ARNT2: variants seen among roughly 807,000 people sequenced by gnomAD.
ARNT2 encodes ARNT protein 2.
ARNT2 carries 36 observed loss-of-function variants against 91.7 expected under a neutral mutation model. That is an observed-to-expected ratio of 0.39 (90% CI 0.30 to 0.52). The LOEUF is 0.52. ARNT2 is among the 20% of genes least tolerant of loss of function. The pLI, the probability that ARNT2 is intolerant of heterozygous loss-of-function variation, is 0.72. For synonymous variants in ARNT2, 365 were observed against 347.1 expected, an observed-to-expected ratio of 1.05 and a Z score of -0.57; for missense variants, 775 against 939.3, an observed-to-expected ratio of 0.83 and a Z score of 2.29.
At chr15:80,510,551 C>T (rs1897326591) in intron 6 of ARNT2, among the ~76,000 whole-genome samples, 1 of 152,092 alleles carries the variant, frequency 6.6e-6, no homozygotes, top group Non-Finnish European at 1.5e-5. Context: ...TCAAAAAGGG[C>T]CGGGTGAGGT....
At chr15:80,448,769 G>C (rs1328086972) in intron 1 of ARNT2, among the ~76,000 whole-genome samples, 1 of 152,158 alleles carries the variant, frequency 6.6e-6, no homozygotes, top group South Asian at 2.1e-4. Context: ...AGATCATGAG[G>C]TCAGGAGATG....
intron 14 of ARNT2, among the ~76,000 whole-genome samples, chr15:80,576,249 G>A (rs1043210247): frequency 6.6e-6 from 1 of 151,880 alleles, no homozygotes; most frequent in South Asian, 2.1e-4. Context: ...GGAAAGATTG[G>A]ATAAAATAAT....
At position 80,475,268 on chromosome 15, in the gene ARNT2, T is replaced by C. The variant is rs185799448; in HGVS notation, c.622+45T>C. The C allele has an allele frequency of 4.4e-6, 7 of 1,602,572 alleles. No homozygotes were observed. In the African/African-American group the frequency reaches 9.4e-5, roughly 21 times the overall value. ...TGAGGCTGTTTGACTCTAGAAAACA[T>C]TCTTGGCTGGGCATGGTGGCTCACG... On this transcript the variant is annotated intron_variant, in intron 5 of 18. Transcript: ENST00000303329.
intron 10 of ARNT2, chr15:80,554,826 C>A: frequency 2.3e-6 from 1 of 443,980 alleles, no homozygotes; most frequent in Non-Finnish European, 4.1e-6. Context: ...GATGTAGTGC[C>A]TTAGCAAAAT....
intron 11 of ARNT2, among the ~76,000 whole-genome samples, chr15:80,560,791 G>C (rs979452822): frequency 1.3e-5 from 2 of 152,230 alleles, no homozygotes; most frequent in East Asian, 1.9e-4. Flanking sequence ...CCAGGTTGCT[G>C]TTGGGGCCGC....
rs145447934 is a variant in ARNT2 at position 80,445,747 on chromosome 15, G to A, written c.32-5133G>A. 4.9e-3 allele frequency among the ~76,000 whole-genome samples: 746 copies of A among 152,106 alleles called. 3 individuals carry two copies. Among genetic ancestry groups the A allele is most frequent in the African/African-American group, 0.018 (726 of 41,446 alleles). On this transcript the variant is annotated intron_variant, in intron 1 of 18. Transcript: ENST00000303329. ...GCAGAGACAGGACTCTGGGTAGAGGGACCACTGGAGGTCGGAACAGATGGA... is the reference window on the plus strand; with the variant it reads ...GCAGAGACAGGACTCTGGGTAGAGGAACCACTGGAGGTCGGAACAGATGGA...
At chr15:80,413,596 A>G (rs1405252647) in intron 1 of ARNT2, among the ~76,000 whole-genome samples, 1 of 152,226 alleles carries the variant, frequency 6.6e-6, no homozygotes, top group Non-Finnish European at 1.5e-5. Context: ...ACTCTAAAAA[A>G]GTGGAGAGCA....
In ARNT2 at chr15:80,471,871, C is replaced by T. The variant is rs139314598; in HGVS notation, c.408+1440C>T. ...TCTTTGACTAGTTGGCAAGAAGAAA[C>T]GCACAAAATGGCTAGTGAGGTCGTA... is the stretch of plus-strand genomic sequence containing the variant. On this transcript the variant is annotated intron_variant, in intron 4 of 18. Transcript: ENST00000303329. Among the ~76,000 whole-genome samples, 165 of 152,158 alleles carry T rather than the reference C, an allele frequency of 1.1e-3. 1 individual carries two copies. The highest frequency in any genetic ancestry group is 3.4e-3 in the Middle Eastern group (1 of 294).
chr15:80,449,962 C>T (rs1157380251), intron 1 of ARNT2, among the ~76,000 whole-genome samples: 6 of 152,326 alleles, frequency 3.9e-5, no homozygotes, highest in Admixed American at 1.3e-4. Flanking sequence ...CTGTGGAAGT[C>T]GTTCCCAACC....
intron 5 of ARNT2, among the ~76,000 whole-genome samples, chr15:80,481,541 T>C (rs76460791): frequency 0.07 from 10,625 of 152,130 alleles, 891 homozygotes; most frequent in African/African-American, 0.19. Context: ...AAGACCTTAC[T>C]TCTACAAAAA....
intron 17 of ARNT2, among the ~76,000 whole-genome samples, chr15:80,589,461 A>G (rs1480338384): frequency 6.6e-6 from 1 of 152,210 alleles, no homozygotes; most frequent in Admixed American, 6.5e-5. Context: ...CAAGGAAACC[A>G]TCATTGCAGC....
chr15:80,496,054 G>A (rs947886188), intron 5 of ARNT2, among the ~76,000 whole-genome samples: 3 of 152,146 alleles, frequency 2.0e-5, no homozygotes, highest in African/African-American at 7.2e-5. Context: ...CCCCTACTCT[G>A]TGAGCCACTT....
Position 80,550,996 on chromosome 15 carries a change from T to C in ARNT2, c.878-203T>C, listed in dbSNP as rs1596008797. The C allele has an allele frequency of 7.3e-6, 4 of 548,964 alleles. No homozygotes were observed. In the East Asian group the frequency reaches 1.2e-4, roughly 17 times the overall value. 34.0% of individuals were successfully genotyped at this position (548,964 alleles called of 1,614,324 possible). A position where few individuals can be genotyped will look rare whatever the true frequency, so the allele number is the denominator to read the frequency against. On this transcript the variant is annotated intron_variant, in intron 8 of 18. Coordinates refer to ENST00000303329, the MANE Select transcript of ARNT2 (RefSeq NM_014862.4). ...CATCATCCACAGATGGAGATGATAA[T>C]GTACCATAAAATTATCAAAAGACAT... is the stretch of plus-strand genomic sequence containing the variant.
chr15:80,432,281 G>T (rs561074624), intron 1 of ARNT2, among the ~76,000 whole-genome samples: 3 of 152,134 alleles, frequency 2.0e-5, no homozygotes, highest in Admixed American at 1.3e-4. Flanking sequence ...AAGATTTCTC[G>T]CCTCTTCTTG....
At chr15:80,574,252 A>G in intron 13 of ARNT2, 32 bp downstream of exon 13, 1 of 1,601,010 alleles carries the variant, frequency 6.2e-7, no homozygotes, top group Non-Finnish European at 8.6e-7. Context: ...TCCCTGTTGG[A>G]ATTGTCTCCA....
intron 17 of ARNT2, among the ~76,000 whole-genome samples, chr15:80,585,640 C>G (rs1898882248): frequency 6.6e-6 from 1 of 152,196 alleles, no homozygotes; most frequent in Non-Finnish European, 1.5e-5. Flanking sequence ...AGCCTGCCCA[C>G]TGACTGAGAC....
chr15:80,597,096 T>C lies in ARNT2; in HGVS notation c.*3398T>C. The C allele has an allele frequency of 1.9e-6, 1 of 515,868 alleles. No individual in the cohort carries two copies. Among genetic ancestry groups the C allele is most frequent in the Non-Finnish European group, 3.9e-6 (1 of 257,842 alleles). 32.0% of individuals were successfully genotyped at this position (515,868 alleles called of 1,614,324 possible). A position where few individuals can be genotyped will look rare whatever the true frequency, so the allele number is the denominator to read the frequency against. On this transcript the variant is annotated 3_prime_UTR_variant, in exon 19 of 19. Transcript: ENST00000303329. ...AGGAACTTACACTGGGGAGCTTTAC[T>C]CTTCCGTGTCAACAATGTGACTACA...
At chr15:80,440,296 C>T (rs892589489) in intron 1 of ARNT2, among the ~76,000 whole-genome samples, 1 of 152,184 alleles carries the variant, frequency 6.6e-6, no homozygotes, top group Non-Finnish European at 1.5e-5. Context: ...CAGAGTGGGG[C>T]AGGTTGAATG....
chr15:80,467,338 C>T (rs763249412), intron 3 of ARNT2, among the ~76,000 whole-genome samples: 18 of 152,116 alleles, frequency 1.2e-4, no homozygotes, highest in African/African-American at 2.4e-4. Flanking sequence ...TTTTGAGGGA[C>T]GGGAGCAGTT....
Sources: allele counts gnomAD v4.1 joint callset (sites outside exome capture counted in the v4.1 genomes callset), GRCh38; gene constraint gnomAD v4.1.1; transcripts MANE v1.5; gene names NCBI Gene and HGNC (gene_info 2026-07-23, HGNC 2026-07-21).